SYNPR: variants seen among roughly 807,000 people sequenced by gnomAD.
SYNPR encodes the protein synaptoporin.
SYNPR carries 23 observed loss-of-function variants against 32.9 expected under a neutral mutation model. That is an observed-to-expected ratio of 0.70 (90% CI 0.50 to 0.99). The LOEUF (loss-of-function observed/expected upper bound fraction) is 0.99. Among genes scored for constraint, SYNPR ranks in the 50% least tolerant of loss-of-function variants. The probability of loss-of-function intolerance (pLI) is 0.00; values close to 1 mark genes in which losing one functional copy is unlikely to be tolerated. For missense variants in SYNPR, 318 were observed against 349.3 expected (o/e 0.91, Z 0.71); for synonymous variants, 146 against 135.9 (o/e 1.07, Z -0.52).
At chr3:63,468,043 T>C (rs1700717980) in intron 2 of SYNPR, among the ~76,000 whole-genome samples, 1 of 151,416 alleles carries the variant, frequency 6.6e-6, no homozygotes, top group Non-Finnish European at 1.5e-5. Context: ...CTACTAAAAA[T>C]ACAAAATTAG....
chr3:63,399,592 G>T (rs146985021), intron 2 of SYNPR, among the ~76,000 whole-genome samples: 1 of 151,912 alleles, frequency 6.6e-6, no homozygotes, highest in Non-Finnish European at 1.5e-5. Context: ...CACTCATAAG[G>T]GTCCTCTCTC....
intron 2 of SYNPR, among the ~76,000 whole-genome samples, chr3:63,383,283 A>G (rs2087995300): frequency 6.6e-6 from 1 of 152,242 alleles, no homozygotes; most frequent in African/African-American, 2.4e-5. Context: ...CAAGGGTTAA[A>G]TTGGAAAAGA....
intron 2 of SYNPR, among the ~76,000 whole-genome samples, chr3:63,419,244 G>A (rs1312116388): frequency 6.6e-6 from 1 of 152,188 alleles, no homozygotes; most frequent in Non-Finnish European, 1.5e-5. Context: ...TTGCCTTCAG[G>A]TCACTGTGTG....
rs575057541 is a variant in SYNPR at position 63,463,967 on chromosome 3, G to A, written c.85-16865G>A. On this transcript the variant is annotated intron_variant, in intron 2 of 5. Transcript: ENST00000478300. ...ACATTTTATGTAGATGCCTTTTTTC[G>A]TAACATTTAGTTCTACTTTTGTCTC... 9.9e-5 allele frequency among the ~76,000 whole-genome samples: 15 copies of A among 151,242 alleles called. 2 individuals are homozygous for A. In the East Asian group the frequency reaches 1.8e-3, roughly 18 times the overall value.
intron 2 of SYNPR, among the ~76,000 whole-genome samples, chr3:63,416,078 A>G (rs2088534987): frequency 6.6e-6 from 1 of 152,230 alleles, no homozygotes; most frequent in Non-Finnish European, 1.5e-5. Flanking sequence ...AGATACACTT[A>G]ATTTGACTGA....
intron 3 of SYNPR, among the ~76,000 whole-genome samples, chr3:63,494,417 A>G (rs1559516257): frequency 8.5e-6 from 1 of 118,222 alleles, no homozygotes; most frequent in Non-Finnish European, 1.7e-5. Flanking sequence ...ATATATATAT[A>G]CGTATATATA....
intron 2 of SYNPR, among the ~76,000 whole-genome samples, chr3:63,455,498 G>A (rs1196024733): frequency 6.6e-6 from 1 of 152,008 alleles, no homozygotes; most frequent in Non-Finnish European, 1.5e-5. Flanking sequence ...CCCCAACTAT[G>A]TTTGGAGTAT....
intron 2 of SYNPR, among the ~76,000 whole-genome samples, chr3:63,349,795 T>C (rs1206904651): frequency 6.6e-6 from 1 of 152,216 alleles, no homozygotes; most frequent in Non-Finnish European, 1.5e-5. Context: ...GGCGAAAGCG[T>C]AGAAGGTACA....
At chr3:63,219,315 T>C in the SYNPR span, among the ~76,000 whole-genome samples, 2 of 152,198 alleles carry the variant, frequency 1.3e-5, no homozygotes, top group Non-Finnish European at 2.9e-5. Flanking sequence ...AGTTGGCCAG[T>C]GCGTCCAGAG....
At chr3:63,206,027 T>C in the SYNPR span, among the ~76,000 whole-genome samples, 1 of 152,236 alleles carries the variant, frequency 6.6e-6, no homozygotes, top group Admixed American at 6.5e-5. Context: ...TTCTTCTGTT[T>C]TCCCCTCTAT....
At chr3:63,280,986 G>A (rs894770826) in intron 2 of SYNPR, among the ~76,000 whole-genome samples, 3 of 152,184 alleles carry the variant, frequency 2.0e-5, no homozygotes, top group Admixed American at 6.5e-5. Context: ...CATTTTAAAA[G>A]AGCTGAGCTA....
intron 1 of SYNPR, among the ~76,000 whole-genome samples, chr3:63,230,521 G>A (rs1350894783): frequency 6.6e-6 from 1 of 152,168 alleles, no homozygotes; most frequent in Non-Finnish European, 1.5e-5. Context: ...GACTATCCAA[G>A]ACTAAATGAG....
chr3:63,579,885 C>G (rs1016243815), intron 4 of SYNPR, among the ~76,000 whole-genome samples: 2 of 150,696 alleles, frequency 1.3e-5, no homozygotes, highest in Non-Finnish European at 2.9e-5. Context: ...TAGTGTTTCT[C>G]CTTAGTCTTG....
At chr3:63,519,752 T>C (rs1047540067) in intron 3 of SYNPR, among the ~76,000 whole-genome samples, 3 of 152,220 alleles carry the variant, frequency 2.0e-5, no homozygotes, top group South Asian at 4.1e-4. Flanking sequence ...TCAATTAATA[T>C]GTATAATGAG....
At chr3:63,200,791 C>A in the SYNPR span, among the ~76,000 whole-genome samples, 2 of 152,118 alleles carry the variant, frequency 1.3e-5, no homozygotes, top group Non-Finnish European at 2.9e-5. Flanking sequence ...AAAGGAGTGG[C>A]AGCATTTTGA....
intron 1 of SYNPR, among the ~76,000 whole-genome samples, chr3:63,248,860 G>A (rs879894428): frequency 4.6e-5 from 7 of 152,094 alleles, no homozygotes; most frequent in African/African-American, 1.7e-4. Context: ...CCATTTTGAT[G>A]AGAATTAGCT....
chr3:63,319,872 T>C (rs991438572), intron 2 of SYNPR, among the ~76,000 whole-genome samples: 1 of 152,080 alleles, frequency 6.6e-6, no homozygotes, highest in Non-Finnish European at 1.5e-5. Flanking sequence ...CAGTCTCTAA[T>C]TATGAAGAAT....
At chr3:63,402,736 CTT>C (rs2088308933) in intron 2 of SYNPR, among the ~76,000 whole-genome samples, 1 of 152,218 alleles carries the variant, frequency 6.6e-6, no homozygotes, top group Admixed American at 6.5e-5. Context: ...GCCTGGAACT[CTT>C]TTCGTTTACT....
intron 2 of SYNPR, among the ~76,000 whole-genome samples, chr3:63,266,827 C>G (rs150099442): frequency 2.0e-5 from 3 of 151,986 alleles, no homozygotes; most frequent in African/African-American, 7.3e-5. Context: ...GGCTTCTCCA[C>G]GAGACCCAGT....
Sources: gnomAD v4.1 joint callset for allele counts (sites outside exome capture counted in the v4.1 genomes callset) on GRCh38, gnomAD v4.1.1 for gene constraint, MANE v1.5 for transcripts, NCBI Gene and HGNC (gene_info 2026-07-23, HGNC 2026-07-21) for gene names.